Variants in RIMKLB observed in about 807,000 individuals in gnomAD.
RIMKLB encodes beta-citrylglutamate synthase B.
RIMKLB carries 7 observed loss-of-function variants against 32.0 expected under a neutral mutation model. The observed-to-expected ratio is 0.22, with a 90% CI of 0.12 to 0.41. The LOEUF is 0.41. Among genes scored for constraint, RIMKLB ranks in the 10% least tolerant of loss-of-function variants. The pLI, the probability that RIMKLB is intolerant of heterozygous loss-of-function variation, is 1.00. For synonymous variants in RIMKLB, 172 were observed against 185.1 expected (o/e 0.93, Z 0.57); for missense variants, 289 against 498.7 (o/e 0.58, Z 4.00).
At chr12:8,720,742 G>A (rs1280948659) in intron 2 of RIMKLB, among the ~76,000 whole-genome samples, 1 of 152,158 alleles carries the variant, frequency 6.6e-6, no homozygotes, top group African/African-American at 2.4e-5. Flanking sequence ...GTTTCACCTT[G>A]TTGGCCAGGC....
upstream of RIMKLB, among the ~76,000 whole-genome samples, chr12:8,692,518 G>GA (rs1376123940): frequency 1.4e-5 from 2 of 142,472 alleles, no homozygotes; most frequent in African/African-American, 5.1e-5. Context: ...CTATGTGGTA[G>GA]AGGAAAAAAA....
At chr12:8,746,178 C>T (rs757945951) in intron 2 of RIMKLB, among the ~76,000 whole-genome samples, 1 of 151,888 alleles carries the variant, frequency 6.6e-6, no homozygotes, top group Non-Finnish European at 1.5e-5. Flanking sequence ...ACCAGCTTCC[C>T]TTCTTAACAT....
chr12:8,716,668 A>C (rs986034142), intron 2 of RIMKLB, among the ~76,000 whole-genome samples: 4 of 142,626 alleles, frequency 2.8e-5, no homozygotes, highest in East Asian at 4.1e-4. Flanking sequence ...GGGGCTTCCC[A>C]TGGCTTCAAA....
At chr12:8,777,215 C>CTTTTTTTTTTTTTTTTTT (rs35828763), downstream of RIMKLB, 9 of 703,904 alleles carry the variant, frequency 1.3e-5, no homozygotes, top group Non-Finnish European at 1.3e-5. Context: ...TGCTTGCTTT[C>CTTTTTTTTTTTTTTTTTT]TTTTTTTTTT....
intron 1 of RIMKLB, among the ~76,000 whole-genome samples, chr12:8,701,677 A>G (rs2136704763): frequency 1.3e-5 from 2 of 151,178 alleles, no homozygotes; most frequent in East Asian, 3.9e-4. Flanking sequence ...GAGAACCCGA[A>G]AACATTAATT....
the RIMKLB span, among the ~76,000 whole-genome samples, chr12:8,671,698 G>C: frequency 0.14 from 20,954 of 152,026 alleles, 2,017 homozygotes; most frequent in African/African-American, 0.27. Flanking sequence ...GGATCACGAG[G>C]TCAGGAGTTC....
At chr12:8,703,352 G>GT (rs1207301011) in intron 1 of RIMKLB, among the ~76,000 whole-genome samples, 1 of 152,106 alleles carries the variant, frequency 6.6e-6, no homozygotes, top group Non-Finnish European at 1.5e-5. Flanking sequence ...TTAAGGCAGG[G>GT]TTTTGCTTTG....
intron 5 of RIMKLB, among the ~76,000 whole-genome samples, chr12:8,764,780 T>A (rs1479405159): frequency 6.6e-6 from 1 of 152,062 alleles, no homozygotes; most frequent in Non-Finnish European, 1.5e-5. Context: ...ATAAGGGGCA[T>A]GGACGAGGGG....
chr12:8,737,250 C>G (rs113855950), intron 2 of RIMKLB, among the ~76,000 whole-genome samples: 23 of 135,998 alleles, frequency 1.7e-4, no homozygotes, highest in African/African-American at 5.6e-4. Flanking sequence ...TTAATCATGA[C>G]TTTTTTTTTT....
chr12:8,781,857 G>A (rs1471602181), downstream of RIMKLB, among the ~76,000 whole-genome samples: 2 of 151,902 alleles, frequency 1.3e-5, no homozygotes, highest in East Asian at 1.9e-4. Context: ...TAAATTTATA[G>A]AATGTAAATG....
intron 2 of RIMKLB, chr12:8,743,198 A>G (rs1173666156): frequency 3.3e-5 from 5 of 151,640 alleles, no homozygotes; most frequent in Non-Finnish European, 7.3e-5. Flanking sequence ...TACTAAAAAT[A>G]CAAAAATTAT....
At chr12:8,733,305 C>CA (rs199919674) in intron 2 of RIMKLB, among the ~76,000 whole-genome samples, 4,100 of 113,284 alleles carry the variant, frequency 0.036, 161 homozygotes, top group African/African-American at 0.12. Context: ...CTTGTTAAAG[C>CA]AAAAAAAAAA....
intron 1 of RIMKLB, among the ~76,000 whole-genome samples, chr12:8,711,248 A>C (rs752410888): frequency 9.2e-5 from 14 of 151,720 alleles, no homozygotes; most frequent in Non-Finnish European, 1.8e-4. Flanking sequence ...AAAAAAAAAA[A>C]ATTAGCCTGA....
At chr12:8,703,574 T>G (rs1406334946) in intron 1 of RIMKLB, among the ~76,000 whole-genome samples, 2 of 152,142 alleles carry the variant, frequency 1.3e-5, no homozygotes, top group Non-Finnish European at 2.9e-5. Flanking sequence ...TCCTCCTACT[T>G]CAGCCTCCTA....
chr12:8,774,600 G>C lies in RIMKLB; in HGVS notation c.*816G>C. Reference sequence around the variant, plus strand: ...TTTTTTTTTTTTTTAATACATGCTAGTCTAACATTTCCTGCTCTATGCCTG... The same window carrying C: ...TTTTTTTTTTTTTTAATACATGCTACTCTAACATTTCCTGCTCTATGCCTG... On this transcript the variant is annotated 3_prime_UTR_variant, in exon 6 of 6. Transcript: ENST00000535829. 1 of 945,188 alleles carries C rather than the reference G, an allele frequency of 1.1e-6. No homozygotes were observed. The highest frequency in any genetic ancestry group is 1.3e-6 in the Non-Finnish European group (1 of 798,676). The allele number at this position is 945,188 out of a possible 1,614,324, so 58.6% of individuals were successfully genotyped here. A position where few individuals can be genotyped will look rare whatever the true frequency, so the allele number is the denominator to read the frequency against.
At position 8,777,066 on chromosome 12, in the gene RIMKLB, G is replaced by A. The variant is rs1385697994; in HGVS notation, c.*3282G>A. 1 of 985,596 alleles carries A rather than the reference G, an allele frequency of 1.0e-6. No individual in the cohort carries two copies. The highest frequency in any genetic ancestry group is 1.2e-6 in the Non-Finnish European group (1 of 829,950). 61.1% of individuals were successfully genotyped at this position (985,596 alleles called of 1,614,324 possible). ...ACGATCCCCTCCTAAGAAAATGTAG[G>A]TGCTCAGACAGGTAACCACTGCTGC... On this transcript the variant is annotated 3_prime_UTR_variant, in exon 6 of 6. Coordinates refer to ENST00000535829, the MANE Select transcript of RIMKLB (RefSeq NM_001297776.2).
intron 5 of RIMKLB, among the ~76,000 whole-genome samples, chr12:8,756,649 T>G (rs925073006): frequency 6.6e-6 from 1 of 151,560 alleles, no homozygotes; most frequent in Admixed American, 6.6e-5. Context: ...CAGTGAAGAT[T>G]TGAAAGATAT....
At chr12:8,767,547 G>C (rs1950068288) in intron 5 of RIMKLB, among the ~76,000 whole-genome samples, 1 of 152,184 alleles carries the variant, frequency 6.6e-6, no homozygotes, top group South Asian at 2.1e-4. Flanking sequence ...TTTCAAGAAA[G>C]TCGTGGTCGG....
chr12:8,710,229 A>G (rs1944257658), intron 1 of RIMKLB, among the ~76,000 whole-genome samples: 1 of 150,642 alleles, frequency 6.6e-6, no homozygotes. Flanking sequence ...CCTGACCTCA[A>G]GTGATCTGCC....
Sources: allele counts gnomAD v4.1 joint callset (sites outside exome capture counted in the v4.1 genomes callset), GRCh38; gene constraint gnomAD v4.1.1; transcripts MANE v1.5; gene names NCBI Gene and HGNC (gene_info 2026-07-23, HGNC 2026-07-21).